CCL26: variants seen among roughly 807,000 people sequenced by gnomAD.
CCL26 encodes C-C motif chemokine ligand 26.
CCL26 carries 10 observed loss-of-function variants against 10.7 expected under a neutral mutation model. The observed-to-expected ratio is 0.93, with a 90% CI of 0.57 to 1.58. CCL26 has a LOEUF of 1.58. Ranked by LOEUF, CCL26 falls within the 40% of genes most tolerant of loss-of-function variation. The probability of loss-of-function intolerance (pLI) is 0.00; values close to 1 mark genes in which losing one functional copy is unlikely to be tolerated. For missense variants in CCL26, 116 were observed against 111.0 expected (o/e 1.05, Z -0.20); for synonymous variants, 43 against 41.4 (o/e 1.04, Z -0.15).
At chr7:75,788,598 G>A (rs1803254351) in intron 1 of CCL26, among the ~76,000 whole-genome samples, 1 of 151,976 alleles carries the variant, frequency 6.6e-6, no homozygotes, top group Non-Finnish European at 1.5e-5. Flanking sequence ...CATTAGCCAG[G>A]TGTGGTGGTG....
chr7:75,787,724 ACT>A (rs1554530180), intron 1 of CCL26, among the ~76,000 whole-genome samples: 15 of 148,582 alleles, frequency 1.0e-4, no homozygotes, highest in African/African-American at 3.7e-4. Flanking sequence ...AAATAAAAGG[ACT>A]CTGTCAAAAA....
At chr7:75,780,237 C>T (rs1340184154) in intron 1 of CCL26, among the ~76,000 whole-genome samples, 1 of 151,530 alleles carries the variant, frequency 6.6e-6, no homozygotes, top group Non-Finnish European at 1.5e-5. Flanking sequence ...GGGAGGCAAG[C>T]ATTCCCCACC....
chr7:75,776,754 C>T (rs1489608423), upstream of CCL26, among the ~76,000 whole-genome samples: 7 of 152,146 alleles, frequency 4.6e-5, no homozygotes, highest in Admixed American at 3.9e-4. Flanking sequence ...TGCCACTATG[C>T]ACACACTCAC....
intron 1 of CCL26, among the ~76,000 whole-genome samples, chr7:75,784,667 G>C (rs1194475066): frequency 1.3e-5 from 2 of 152,046 alleles, no homozygotes; most frequent in Non-Finnish European, 2.9e-5. Context: ...ATCCCCACCT[G>C]CCCAGCTCCC....
chr7:75,773,497 G>A (rs1237350829), upstream of CCL26, among the ~76,000 whole-genome samples: 17 of 152,054 alleles, frequency 1.1e-4, no homozygotes, highest in Admixed American at 1.1e-3. Flanking sequence ...TCAAGTGACT[G>A]TCTCACCTTG....
chr7:75,773,970 C>A (rs563155935), upstream of CCL26, among the ~76,000 whole-genome samples: 68 of 152,170 alleles, frequency 4.5e-4, no homozygotes, highest in South Asian at 1.2e-3. Context: ...TCCAGCCTCC[C>A]AAAGCACTGG....
At chr7:75,785,795 C>T (rs1258989039) in intron 1 of CCL26, among the ~76,000 whole-genome samples, 1 of 152,204 alleles carries the variant, frequency 6.6e-6, no homozygotes, top group Non-Finnish European at 1.5e-5. Context: ...CTCTAGCTCT[C>T]CCTGACTCAT....
At chr7:75,780,740 T>C (rs1204988640) in intron 1 of CCL26, among the ~76,000 whole-genome samples, 1 of 152,104 alleles carries the variant, frequency 6.6e-6, no homozygotes, top group Non-Finnish European at 1.5e-5. Context: ...TCTCTGAGTC[T>C]TTCCAATCTT....
At chr7:75,772,390 C>T (rs545699166), upstream of CCL26, 37 of 554,774 alleles carry the variant, frequency 6.7e-5, no homozygotes, top group Middle Eastern at 9.6e-4. Context: ...GGCGTGGTGG[C>T]TCATGCCTGT....
intron 1 of CCL26, among the ~76,000 whole-genome samples, chr7:75,781,972 C>T (rs781943832): frequency 2.0e-4 from 31 of 152,134 alleles, no homozygotes; most frequent in South Asian, 2.1e-4. Flanking sequence ...GGGACTCCTT[C>T]GGGAGACCAG....
At chr7:75,781,951 C>T (rs891681390) in intron 1 of CCL26, among the ~76,000 whole-genome samples, 1 of 152,138 alleles carries the variant, frequency 6.6e-6, no homozygotes, top group African/African-American at 2.4e-5. Context: ...GTGCTGAAGA[C>T]CCAGGTCAGT....
At chr7:75,790,141 CTCTT>C (rs1339888887), upstream of CCL26, among the ~76,000 whole-genome samples, 467 of 145,560 alleles carry the variant, frequency 3.2e-3, 3 homozygotes, top group African/African-American at 0.011. Context: ...TTCTCTCTCT[CTCTT>C]TCTGTCTCTC....
At position 75,779,666 on chromosome 7, in the gene CCL26, G is replaced by A. The variant is rs189271419; in HGVS notation, c.-78-7412C>T. ...CTCGGGAAGACAGTCTTCCCTTGGT[G>A]TTTAATCACGCGGGGACGCGTGCCT... On this transcript the variant is annotated intron_variant, in intron 1 of 3. Transcript: ENST00000394905. Among the ~76,000 whole-genome samples the A allele has an allele frequency of 2.2e-4, 34 of 152,354 alleles. No homozygotes were observed. The East Asian group carries it at 4.8e-3, about 22-fold the overall frequency.
intron 1 of CCL26, among the ~76,000 whole-genome samples, chr7:75,780,200 C>A (rs1179989418): frequency 4.0e-5 from 6 of 151,760 alleles, no homozygotes; most frequent in African/African-American, 1.5e-4. Context: ...GGGGGGCAAG[C>A]ACCTCCCACC....
intron 1 of CCL26, among the ~76,000 whole-genome samples, chr7:75,788,098 T>G (rs1803243542): frequency 6.6e-6 from 1 of 151,908 alleles, no homozygotes; most frequent in South Asian, 2.1e-4. Flanking sequence ...CCCCAAAAAT[T>G]TTCGCCGCCC....
At chr7:75,786,552 T>A (rs143452092) in intron 1 of CCL26, among the ~76,000 whole-genome samples, 3 of 152,168 alleles carry the variant, frequency 2.0e-5, no homozygotes, top group African/African-American at 7.2e-5. Context: ...AATGCCTCTT[T>A]AATAAAAACT....
upstream of CCL26, among the ~76,000 whole-genome samples, chr7:75,774,507 C>A (rs1444215667): frequency 2.0e-5 from 3 of 151,938 alleles, no homozygotes; most frequent in Admixed American, 6.6e-5. Flanking sequence ...AGTACAGTGG[C>A]ACAATCTTAG....
At chr7:75,772,697 G>A, upstream of CCL26, among the ~76,000 whole-genome samples, 1 of 151,132 alleles carries the variant, frequency 6.6e-6, no homozygotes, top group South Asian at 2.1e-4. Context: ...AAAAAAACAA[G>A]TGACAGATGG....
At position 75,772,127 on chromosome 7, in the gene CCL26, C is replaced by T. The variant is rs1554528202; in HGVS notation, c.50G>A (p.Ser17Asn). The T allele has an allele frequency of 6.4e-7, 1 of 1,565,352 alleles. No individual in the cohort carries two copies. Among genetic ancestry groups the T allele is most frequent in the African/African-American group, 1.4e-5 (1 of 73,606 alleles). ...ACGTGTGGCAGTTCCAAGGTGGAGA[C>T]TCAGGAGGGAGGCCAGGAGCACAGC... is the stretch of plus-strand genomic sequence containing the variant. ...ASAVLLASLL[S>N]LHLGTATRGS... is the part of the protein sequence containing the mutation. Residue 17 changes from serine to asparagine, a missense_variant, in exon 1 of 3, where the codon AGT (serine) becomes AAT (asparagine). Ser to Asn is a conservative substitution (Grantham distance 46). Transcript: ENST00000005180.
Sources: gnomAD v4.1 joint callset for allele counts (sites outside exome capture counted in the v4.1 genomes callset) on GRCh38, gnomAD v4.1.1 for gene constraint, MANE v1.5 for transcripts, NCBI Gene and HGNC (gene_info 2026-07-23, HGNC 2026-07-21) for gene names.